Variants in CCDC85C observed in about 807,000 individuals in gnomAD.
The protein encoded by CCDC85C is coiled-coil domain-containing protein 85C.
Under a neutral mutation model 38.3 loss-of-function variants are expected in CCDC85C, and 18 were observed. The ratio of observed to expected loss-of-function variants is 0.47; its 90% CI spans 0.33 to 0.70. The LOEUF is 0.70. Ranked by LOEUF, CCDC85C falls within the 30% of genes least tolerant of loss-of-function variation. The pLI is 0.03. For missense variants in CCDC85C, 566 were observed against 621.2 expected (o/e 0.91, Z 0.94); for synonymous variants, 264 against 293.8 (o/e 0.90, Z 1.04).
intron 1 of CCDC85C, among the ~76,000 whole-genome samples, chr14:99,584,852 G>A (rs1351141773): frequency 6.6e-6 from 1 of 152,260 alleles, no homozygotes; most frequent in Non-Finnish European, 1.5e-5. Context: ...ACTTTGGGAG[G>A]CTGAGGCAGG....
rs373676014 is a variant in CCDC85C, at chr14:99,544,341, A to T, written c.794-8253T>A. On this transcript the variant is annotated intron_variant, in intron 1 of 5. Coordinates refer to ENST00000380243, the MANE Select transcript of CCDC85C (RefSeq NM_001144995.2). The surrounding 1 kb of genome is among the most constrained non-coding windows in gnomAD (Gnocchi z 5.3). ...CTGGGCCTCTCAAGACATCATCACCATGGTTGTCAGGGCTGTTCATTCTAA... is the reference window on the plus strand; with the variant it reads ...CTGGGCCTCTCAAGACATCATCACCTTGGTTGTCAGGGCTGTTCATTCTAA... Among the ~76,000 whole-genome samples the T allele has an allele frequency of 8.5e-5, 13 of 152,166 alleles. No homozygotes were observed. The East Asian group carries it at 1.7e-3, about 20-fold the overall frequency.
Position 99,516,098 on chromosome 14 carries a change from G to T in CCDC85C, c.1170+90C>A. On this transcript the variant is annotated intron_variant, in intron 5 of 5. Transcript: ENST00000380243. This position sits in a 1 kb window ranked among gnomAD's most constrained non-coding sequence, Gnocchi z 5.5. ...CTTCGCTGAGCATTCGAGAAATGGA[G>T]TCCCACATGGGGAAGGGTATGGCCA... is the stretch of plus-strand genomic sequence containing the variant. 1 of 1,003,786 alleles carries T rather than the reference G, an allele frequency of 1.0e-6. No individual in the cohort carries two copies. Among genetic ancestry groups the T allele is most frequent in the Non-Finnish European group, 1.5e-6 (1 of 655,798 alleles). The allele number at this position is 1,003,786 out of a possible 1,614,324, so 62.2% of individuals were successfully genotyped here.
rs933252191 is a variant in CCDC85C at position 99,545,823 on chromosome 14, G to A, written c.794-9735C>T. Among the ~76,000 whole-genome samples the A allele has an allele frequency of 6.6e-6, 1 of 152,206 alleles. No individual in the cohort carries two copies. Among genetic ancestry groups the A allele is most frequent in the East Asian group, 1.9e-4 (1 of 5,142 alleles). ...TGATCTCTTCCCCTGAGACTAACTG[G>A]ACACTCTAGGGGAGGGACCTGGGCA... On this transcript the variant is annotated intron_variant, in intron 1 of 5. Transcript: ENST00000380243. This position sits in a 1 kb window ranked among gnomAD's most constrained non-coding sequence, Gnocchi z 4.7.
chr14:99,545,744 C>T lies in CCDC85C; in HGVS notation c.794-9656G>A, dbSNP rs551200115. On this transcript the variant is annotated intron_variant, in intron 1 of 5. Transcript: ENST00000380243. The surrounding 1 kb of genome is among the most constrained non-coding windows in gnomAD (Gnocchi z 4.7). ...CACATCACATTCAGCCTGCAGCTCCCAGCATCAGGCTGAAAGGTACGCCCT... is the reference window on the plus strand; with the variant it reads ...CACATCACATTCAGCCTGCAGCTCCTAGCATCAGGCTGAAAGGTACGCCCT... 9.2e-5 allele frequency among the ~76,000 whole-genome samples: 14 copies of T among 152,272 alleles called. 1 individual carries two copies. In the East Asian group the frequency reaches 2.7e-3, roughly 30 times the overall value.
At position 99,535,937 on chromosome 14, in the gene CCDC85C, G is replaced by A; in HGVS notation, c.867+78C>T. 6 of 1,103,252 alleles carry A rather than the reference G, an allele frequency of 5.4e-6. No homozygotes were observed. The South Asian group carries it at 6.7e-5, about 12-fold the overall frequency. 68.3% of individuals were successfully genotyped at this position (1,103,252 alleles called of 1,614,324 possible). A position where few individuals can be genotyped will look rare whatever the true frequency, so the allele number is the denominator to read the frequency against. ...GGGGGGACAGCCTAGGTCCCAAGGGGAAGGGTGCCCTGGGTGAGCTGGAGG... is the reference window on the plus strand; with the variant it reads ...GGGGGGACAGCCTAGGTCCCAAGGGAAAGGGTGCCCTGGGTGAGCTGGAGG... On this transcript the variant is annotated intron_variant, in intron 2 of 5. Coordinates refer to ENST00000380243, the MANE Select transcript of CCDC85C (RefSeq NM_001144995.2). The surrounding 1 kb of genome is among the most constrained non-coding windows in gnomAD (Gnocchi z 5.5).
chr14:99,579,742 G>T (rs1045218493), intron 1 of CCDC85C, among the ~76,000 whole-genome samples: 1 of 152,086 alleles, frequency 6.6e-6, no homozygotes, highest in African/African-American at 2.4e-5. Flanking sequence ...GGCAGCGGGG[G>T]AGAGGTCCCC....
chr14:99,502,908 A>G lies in CCDC85C; in HGVS notation c.*12338T>C, dbSNP rs534989573. ...CAGAAGGACCCCCAGCAACCAGCCCAGCAGCAGCAGCCAGCCCAACAGCCC... is the reference window on the plus strand; with the variant it reads ...CAGAAGGACCCCCAGCAACCAGCCCGGCAGCAGCAGCCAGCCCAACAGCCC... On this transcript the variant is annotated 3_prime_UTR_variant, in exon 6 of 6. Coordinates refer to ENST00000380243, the MANE Select transcript of CCDC85C (RefSeq NM_001144995.2). The G allele has an allele frequency of 1.2e-6, 2 of 1,613,328 alleles. No individual in the cohort carries two copies. The highest frequency in any genetic ancestry group is 4.5e-5 in the East Asian group (2 of 44,842).
intron 2 of CCDC85C, among the ~76,000 whole-genome samples, chr14:99,534,303 C>T (rs1897550240): frequency 6.6e-6 from 1 of 151,696 alleles, no homozygotes. Context: ...TTGTGGTGAG[C>T]TGAGATCACG....
intron 1 of CCDC85C, among the ~76,000 whole-genome samples, chr14:99,582,005 G>A (rs893043239): frequency 6.6e-6 from 1 of 152,188 alleles, no homozygotes; most frequent in African/African-American, 2.4e-5. Flanking sequence ...GGGAAACCGA[G>A]GCTCAGGAAG....
Position 99,503,104 on chromosome 14 carries a change from A to C in CCDC85C, c.*12142T>G. 1 of 1,151,514 alleles carries C rather than the reference A, an allele frequency of 8.7e-7. No homozygotes were observed. The highest frequency in any genetic ancestry group is 1.7e-5 in the Admixed American group (1 of 58,646). 71.3% of individuals were successfully genotyped at this position (1,151,514 alleles called of 1,614,324 possible). On this transcript the variant is annotated 3_prime_UTR_variant, in exon 6 of 6. Coordinates refer to ENST00000380243, the MANE Select transcript of CCDC85C (RefSeq NM_001144995.2). ...ACCGGAAGCAGGGGGTGTTCGCCGAAACTCGCAGTCCGACTGCTTGTCGGT... is the reference window on the plus strand; with the variant it reads ...ACCGGAAGCAGGGGGTGTTCGCCGACACTCGCAGTCCGACTGCTTGTCGGT...
intron 1 of CCDC85C, among the ~76,000 whole-genome samples, chr14:99,565,933 G>A (rs564246427): frequency 7.2e-5 from 11 of 152,326 alleles, no homozygotes; most frequent in East Asian, 5.8e-4. Flanking sequence ...GCTTTCAGCC[G>A]CAGGGCTGCT....
At chr14:99,549,124 T>C (rs368198349) in intron 1 of CCDC85C, among the ~76,000 whole-genome samples, 2 of 152,226 alleles carry the variant, frequency 1.3e-5, no homozygotes, top group South Asian at 2.1e-4. Context: ...GAAGCTAAAA[T>C]GCTTATTGCT....
rs1179400041 is a variant in CCDC85C, at chr14:99,572,463, T to C, written c.793+30704A>G. Among the ~76,000 whole-genome samples, 32 of 146,148 alleles carry C rather than the reference T, an allele frequency of 2.2e-4. No homozygotes were observed. In the Admixed American group the frequency reaches 2.2e-3, roughly 10 times the overall value. Reference sequence around the variant, plus strand: ...CAGGGAAGCCAGAGGGCCTCACAAGTATAAATGATCAGGTATCACACCTCC... The same window carrying C: ...CAGGGAAGCCAGAGGGCCTCACAAGCATAAATGATCAGGTATCACACCTCC... On this transcript the variant is annotated intron_variant, in intron 1 of 5. Transcript: ENST00000380243. The surrounding 1 kb of genome is among the most constrained non-coding windows in gnomAD (Gnocchi z 4.4).
intron 1 of CCDC85C, among the ~76,000 whole-genome samples, chr14:99,562,489 A>G (rs1280232076): frequency 6.6e-6 from 1 of 152,188 alleles, no homozygotes; most frequent in African/African-American, 2.4e-5. Flanking sequence ...CACAAAAACC[A>G]AGCTTCTGAG....
rs565623493 is a variant in CCDC85C at position 99,599,366 on chromosome 14, G to T, written c.793+3801C>A. ...AGGTTATCAGGGGAGGGAAGGAAATGCCTGGCAATGGGCAGGAGGGGGGCA... is the reference window on the plus strand; with the variant it reads ...AGGTTATCAGGGGAGGGAAGGAAATTCCTGGCAATGGGCAGGAGGGGGGCA... On this transcript the variant is annotated intron_variant, in intron 1 of 5. Coordinates refer to ENST00000380243, the MANE Select transcript of CCDC85C (RefSeq NM_001144995.2). Among the ~76,000 whole-genome samples, 3 of 152,300 alleles carry T rather than the reference G, an allele frequency of 2.0e-5. No homozygotes were observed. In the East Asian group the frequency reaches 5.8e-4, roughly 29 times the overall value.
chr14:99,559,858 C>G (rs1233766315), intron 1 of CCDC85C, among the ~76,000 whole-genome samples: 1 of 152,098 alleles, frequency 6.6e-6, no homozygotes, highest in East Asian at 1.9e-4. Flanking sequence ...GCCAGCACAC[C>G]CCTGCCCGGG....
At chr14:99,525,581 T>C (rs184615838) in intron 2 of CCDC85C, among the ~76,000 whole-genome samples, 195 of 152,354 alleles carry the variant, frequency 1.3e-3, no homozygotes, top group African/African-American at 4.3e-3. Flanking sequence ...ATCGGTTATG[T>C]GTCCGAGAGG....
chr14:99,550,703 T>A (rs1341340709), intron 1 of CCDC85C, among the ~76,000 whole-genome samples: 10 of 152,180 alleles, frequency 6.6e-5, no homozygotes, highest in Admixed American at 6.5e-4. Context: ...GACCTGGACT[T>A]AGCAGATACT....
At chr14:99,526,817 G>A (rs1897394133) in intron 2 of CCDC85C, among the ~76,000 whole-genome samples, 1 of 152,312 alleles carries the variant, frequency 6.6e-6, no homozygotes, top group South Asian at 2.1e-4. Flanking sequence ...CAGCTGGCTG[G>A]GCTGGGGGAC....
Sources: gnomAD v4.1 joint callset for allele counts (sites outside exome capture counted in the v4.1 genomes callset) on GRCh38, gnomAD v4.1.1 for gene constraint, Gnocchi (gnomAD v3.1) non-coding constraint, MANE v1.5 for transcripts, NCBI Gene and HGNC (gene_info 2026-07-23, HGNC 2026-07-21) for gene names.